SUN1: variants seen among roughly 807,000 people sequenced by gnomAD.
SUN1 encodes the protein Sad1 and UNC84 domain containing 1.
In SUN1, 61 loss-of-function variants were observed where a neutral mutation model predicts 103.2. That is an observed-to-expected ratio of 0.59 (90% CI 0.48 to 0.73). The LOEUF (loss-of-function observed/expected upper bound fraction) is 0.73, where lower values mean the gene tolerates loss of function less well. Among genes scored for constraint, SUN1 ranks in the 30% least tolerant of loss-of-function variants. SUN1 has a pLI of 0.00. For synonymous variants in SUN1, 490 were observed against 425.7 expected (o/e 1.15, Z -1.86); for missense variants, 1,052 against 1,034.6 (o/e 1.02, Z -0.23).
chr7:855,565 G>C (rs1826347123), intron 11 of SUN1, among the ~76,000 whole-genome samples: 1 of 152,190 alleles, frequency 6.6e-6, no homozygotes, highest in African/African-American at 2.4e-5. Context: ...TGTGTGTATT[G>C]AACTACCTTG....
chr7:872,656 C>A, intron 18 of SUN1, 94 bp downstream of exon 18: 2 of 947,668 alleles, frequency 2.1e-6, no homozygotes, highest in Non-Finnish European at 3.2e-6. Context: ...TGGAAAGCAG[C>A]GTGAGGACCA....
Position 838,868 on chromosome 7 carries a change from C to T in SUN1, c.148C>T (p.Arg50Trp), listed in dbSNP as rs1019819580. The change falls in exon 2 of 19, where the codon CGG becomes TGG. Residue 50 changes from arginine (R) to tryptophan (W), a missense_variant. By Grantham distance (101) the Arg-to-Trp change is moderately radical. Coordinates refer to ENST00000401592, the MANE Select transcript of SUN1 (RefSeq NM_001130965.3). ...ATTGGACCCTGTATTTGATTCTCCA[C>T]GGATGTCCCGCCGTAGTTTGCGCCT... ...HKLDPVFDSP[R>W]MSRRSLRLAT... The T allele has an allele frequency of 4.4e-6, 7 of 1,597,350 alleles. No individual in the cohort carries two copies. The highest frequency in any genetic ancestry group is 2.7e-5 in the African/African-American group (2 of 74,822).
intron 17 of SUN1, among the ~76,000 whole-genome samples, chr7:870,887 C>CTT (rs59711259): frequency 1.2e-4 from 12 of 101,052 alleles, no homozygotes; most frequent in South Asian, 3.6e-4. Context: ...TATTTTCTTT[C>CTT]TTTTTTTTTT....
intron 11 of SUN1, 45 bp downstream of exon 11, chr7:855,051 C>A: frequency 7.0e-7 from 1 of 1,418,462 alleles, no homozygotes; most frequent in Non-Finnish European, 9.9e-7. Context: ...AAAAGAAAAT[C>A]AACTATGGCT....
chr7:855,583 T>A (rs1475371439), intron 11 of SUN1, among the ~76,000 whole-genome samples: 1 of 152,114 alleles, frequency 6.6e-6, no homozygotes, highest in Non-Finnish European at 1.5e-5. Flanking sequence ...TTGAGAAGTG[T>A]GGTGAGCCTA....
chr7:839,393 C>CT (rs1170353306), intron 2 of SUN1, among the ~76,000 whole-genome samples: 10 of 152,300 alleles, frequency 6.6e-5, no homozygotes, highest in African/African-American at 2.4e-4. Context: ...CCAGTTCATT[C>CT]TTTTTTCTGG....
At chr7:854,774 C>A in intron 10 of SUN1, 146 bp from the exon 11 acceptor site, 1 of 547,106 alleles carries the variant, frequency 1.8e-6, no homozygotes, top group Non-Finnish European at 3.3e-6. Context: ...TGTTATGAAG[C>A]GGATTATTCC....
intron 1 of SUN1, chr7:817,362 G>A: frequency 6.6e-7 from 1 of 1,504,054 alleles, no homozygotes; most frequent in East Asian, 2.5e-5. Flanking sequence ...AGGCGCGCGC[G>A]TGGTCTCCGC....
chr7:843,811 C>G, intron 5 of SUN1: 1 of 1,413,756 alleles, frequency 7.1e-7, no homozygotes, highest in Non-Finnish European at 9.2e-7. Context: ...CAGTCACTTT[C>G]AGATGCACAC....
rs759477843 is a variant in SUN1 at position 858,536 on chromosome 7, C to T, written c.1524+579C>T. On this transcript the variant is annotated intron_variant, in intron 13 of 18. Transcript: ENST00000401592. ...CTCCTTGGTATGCGTCCTTGGTGTG[C>T]GTGCAGCCCAGGGCCAGCACTGACT... is the stretch of plus-strand genomic sequence containing the variant. 4.6e-5 allele frequency among the ~76,000 whole-genome samples: 7 copies of T among 152,340 alleles called. No homozygotes were observed. In the South Asian group the frequency reaches 1.2e-3, roughly 27 times the overall value.
intron 5 of SUN1, chr7:849,597 G>T: frequency 6.8e-7 from 1 of 1,460,240 alleles, no homozygotes; most frequent in Non-Finnish European, 9.2e-7. Context: ...AAATGGGGAA[G>T]CGCTGTGTAA....
chr7:852,451 TCTC>T (rs1253412029), intron 7 of SUN1, 155 bp from the exon 8 acceptor site: 1 of 786,812 alleles, frequency 1.3e-6, no homozygotes, highest in Admixed American at 2.4e-5. Context: ...ACATGAAGGT[TCTC>T]CTGAAGGCAT....
chr7:849,468 A>T, intron 5 of SUN1: 1 of 1,296,606 alleles, frequency 7.7e-7, no homozygotes, highest in South Asian at 1.2e-5. Flanking sequence ...TGCGAGAAGC[A>T]CTTGAGCTTG....
intron 1 of SUN1, among the ~76,000 whole-genome samples, chr7:818,870 C>A (rs1049938282): frequency 6.8e-6 from 1 of 148,072 alleles, no homozygotes; most frequent in South Asian, 2.2e-4. Context: ...CCCTCCCCCC[C>A]TTTTTTTTTT....
At position 841,999 on chromosome 7, in the gene SUN1, T is replaced by C. The variant is rs772702463; in HGVS notation, c.320T>C (p.Val107Ala). The C allele has an allele frequency of 4.3e-6, 7 of 1,614,190 alleles. No individual in the cohort carries two copies. The highest frequency in any genetic ancestry group is 5.9e-6 in the Non-Finnish European group (7 of 1,180,032). Residue 107 changes from valine to alanine, a missense_variant, in exon 3 of 19, where the codon GTG becomes GCG. By Grantham distance (64) the Val-to-Ala change is moderately conservative. This residue lies in a region of SUN1 where 846 missense variants were observed against 774.5 expected (regional missense o/e 1.09). Transcript: ENST00000401592. ...AAATCAGCTTTTAGTATCAACCACG[T>C]GTCAAGGCAGGTCACGTCCTCTGGC... ...TNKSAFSINH[V>A]SRQVTSSGVS...
intron 13 of SUN1, 52 bp downstream of exon 13, chr7:858,009 A>G (rs752765694): frequency 6.7e-7 from 1 of 1,497,256 alleles, no homozygotes; most frequent in South Asian, 1.3e-5. Flanking sequence ...GTAAAAGAAA[A>G]CTTGAATTGA....
chr7:866,727 C>T, intron 16 of SUN1, among the ~76,000 whole-genome samples: 1 of 103,456 alleles, frequency 9.7e-6, no homozygotes, highest in Admixed American at 8.3e-5. Context: ...CCCCCCGCCC[C>T]CCGTCCCACC....
upstream of SUN1, chr7:832,114 T>C: frequency 9.8e-7 from 1 of 1,019,556 alleles, no homozygotes; most frequent in Non-Finnish European, 1.2e-6. Flanking sequence ...AGTTCTATTT[T>C]AGTTAGTAAA....
chr7:825,062 AT>A (rs746564288), intron 1 of SUN1, among the ~76,000 whole-genome samples: 548 of 143,814 alleles, frequency 3.8e-3, no homozygotes, highest in Middle Eastern at 3.6e-3. Context: ...TATTACGATA[AT>A]TTTTTTTTTT....
Sources: allele counts gnomAD v4.1 joint callset (sites outside exome capture counted in the v4.1 genomes callset), GRCh38; gene constraint gnomAD v4.1.1; regional missense constraint gnomAD v4.1.1; transcripts MANE v1.5; gene names NCBI Gene and HGNC (gene_info 2026-07-23, HGNC 2026-07-21).